RBFOX1: variants seen among roughly 807,000 people sequenced by gnomAD.
The protein encoded by RBFOX1 is RNA binding fox-1 homolog 1, also known as RNA binding protein fox-1 homolog 1.
RBFOX1 carries 8 observed loss-of-function variants against 57.7 expected under a neutral mutation model. That is an observed-to-expected ratio of 0.14 (90% CI 0.08 to 0.25). The LOEUF (loss-of-function observed/expected upper bound fraction) is 0.25. Ranked by LOEUF, RBFOX1 falls within the 10% of genes least tolerant of loss-of-function variation. The probability of loss-of-function intolerance (pLI) is 1.00; values close to 1 mark genes in which losing one functional copy is unlikely to be tolerated. For missense variants in RBFOX1, 611 were observed against 548.5 expected, an observed-to-expected ratio of 1.11 and a Z score of -1.14; for synonymous variants, 326 against 222.4, an observed-to-expected ratio of 1.47 and a Z score of -4.15.
chr16:6,889,068 T>TAGACACGG (rs2064818636), intron 3 of RBFOX1, among the ~76,000 whole-genome samples: 1 of 152,172 alleles, frequency 6.6e-6, no homozygotes, highest in Non-Finnish European at 1.5e-5. Context: ...TTTTCCCTTA[T>TAGACACGG]AGACACGGGT....
intron 4 of RBFOX1, among the ~76,000 whole-genome samples, chr16:7,337,343 C>G (rs9927909): frequency 0.41 from 62,036 of 151,990 alleles, 15,658 homozygotes; most frequent in African/African-American, 0.72. Flanking sequence ...AGGAAGGGAA[C>G]TGGTATTTGA....
intron 4 of RBFOX1, among the ~76,000 whole-genome samples, chr16:7,410,527 C>T (rs967934001): frequency 9.9e-5 from 15 of 152,170 alleles, no homozygotes; most frequent in African/African-American, 3.6e-4. Context: ...ACTAAAAATA[C>T]AAAATTAGCT....
In RBFOX1 at chr16:7,573,467, A is replaced by C. The variant is rs149272388; in HGVS notation, c.271-6310A>C. ...TTCCTCCATTCTCTGAATTTTCTGC[A>C]TGGCTATGTCCTACCTTCTGATCTC... is the stretch of plus-strand genomic sequence containing the variant. On this transcript the variant is annotated intron_variant, in intron 5 of 15. Transcript: ENST00000550418. Among the ~76,000 whole-genome samples, 3 of 152,236 alleles carry C rather than the reference A, an allele frequency of 2.0e-5. No homozygotes were observed. The East Asian group carries it at 5.8e-4, about 30-fold the overall frequency.
intron 3 of RBFOX1, among the ~76,000 whole-genome samples, chr16:6,805,481 C>T (rs979787538): frequency 1.3e-5 from 2 of 152,010 alleles, no homozygotes; most frequent in Non-Finnish European, 2.9e-5. Flanking sequence ...GTACCATCCC[C>T]ATAACATGAG....
At chr16:5,660,080 C>T (rs566067493) in intron 3 of RBFOX1, among the ~76,000 whole-genome samples, 14 of 152,182 alleles carry the variant, frequency 9.2e-5, no homozygotes, top group East Asian at 3.9e-4. Flanking sequence ...GGGTTCAAGG[C>T]GCATAAAACA....
intron 4 of RBFOX1, among the ~76,000 whole-genome samples, chr16:7,452,453 T>C (rs1262959566): frequency 2.0e-5 from 3 of 152,202 alleles, no homozygotes; most frequent in East Asian, 1.9e-4. Flanking sequence ...TTTTCTGGCA[T>C]TGGGTTGCAA....
At chr16:6,135,979 G>C (rs1264803061) in intron 1 of RBFOX1, among the ~76,000 whole-genome samples, 1 of 151,852 alleles carries the variant, frequency 6.6e-6, no homozygotes, top group African/African-American at 2.4e-5. Context: ...ATTTTTAGTA[G>C]AGATGGGTTT....
intron 4 of RBFOX1, 45 bp downstream of exon 4, chr16:7,052,143 T>C (rs1185506012): frequency 1.3e-6 from 2 of 1,578,968 alleles, no homozygotes; most frequent in Admixed American, 2.0e-5. Context: ...CTCATTTTTG[T>C]GTGATAAGCA....
intron 3 of RBFOX1, among the ~76,000 whole-genome samples, chr16:6,758,717 A>G (rs780361786): frequency 6.6e-6 from 1 of 152,236 alleles, no homozygotes; most frequent in Non-Finnish European, 1.5e-5. Flanking sequence ...TACATTTTAC[A>G]TTAAATGCTT....
intron 2 of RBFOX1, among the ~76,000 whole-genome samples, chr16:6,409,849 A>T (rs987400408): frequency 1.3e-5 from 2 of 152,014 alleles, no homozygotes; most frequent in Non-Finnish European, 2.9e-5. Flanking sequence ...TGAGATAATC[A>T]TTTTGTCCTT....
At chr16:7,222,641 T>A (rs1044008614) in intron 4 of RBFOX1, among the ~76,000 whole-genome samples, 7 of 152,204 alleles carry the variant, frequency 4.6e-5, no homozygotes, top group African/African-American at 1.7e-4. Flanking sequence ...CATTTACAAG[T>A]TTGTTAGCCC....
intron 3 of RBFOX1, among the ~76,000 whole-genome samples, chr16:6,752,091 C>T (rs193219851): frequency 1.2e-4 from 18 of 152,258 alleles, no homozygotes; most frequent in African/African-American, 3.4e-4. Context: ...CGTCCATCTA[C>T]TCCGGTGACC....
chr16:7,696,657 G>T (rs1447369980), intron 14 of RBFOX1, among the ~76,000 whole-genome samples: 1 of 152,132 alleles, frequency 6.6e-6, no homozygotes, highest in Non-Finnish European at 1.5e-5. Context: ...GACCTTCATG[G>T]TATGGGAGAA....
At chr16:6,034,846 G>A (rs1044970471) in intron 1 of RBFOX1, among the ~76,000 whole-genome samples, 7 of 152,086 alleles carry the variant, frequency 4.6e-5, no homozygotes, top group African/African-American at 1.4e-4. Context: ...GGATGTGGGG[G>A]CTGAGAGACC....
At chr16:5,336,108 C>T (rs865969136) in intron 1 of RBFOX1, among the ~76,000 whole-genome samples, 1 of 152,106 alleles carries the variant, frequency 6.6e-6, no homozygotes, top group African/African-American at 2.4e-5. Flanking sequence ...AACTCCAAAT[C>T]ATTGTGCTTT....
chr16:5,659,019 A>G (rs1487571440), intron 3 of RBFOX1, among the ~76,000 whole-genome samples: 5 of 151,998 alleles, frequency 3.3e-5, no homozygotes, highest in African/African-American at 1.2e-4. Context: ...CTTGGTAGAT[A>G]CCCAGTGGTG....
chr16:7,112,523 A>C (rs1007090855), intron 4 of RBFOX1, among the ~76,000 whole-genome samples: 4 of 152,062 alleles, frequency 2.6e-5, no homozygotes, highest in African/African-American at 9.7e-5. Context: ...ACATTCTTTT[A>C]ACATATATTG....
chr16:6,250,744 C>G (rs1200999080), intron 1 of RBFOX1, among the ~76,000 whole-genome samples: 1 of 152,118 alleles, frequency 6.6e-6, no homozygotes, highest in Non-Finnish European at 1.5e-5. Flanking sequence ...GGGCACTTCC[C>G]AGCTTGAATC....
At chr16:6,905,552 CAAA>C (rs55769867) in intron 3 of RBFOX1, among the ~76,000 whole-genome samples, 6 of 143,354 alleles carry the variant, frequency 4.2e-5, no homozygotes, top group African/African-American at 5.2e-5. Flanking sequence ...GACTCCATCT[CAAA>C]AAAAAAAAAA....
Sources: gnomAD v4.1 joint callset for allele counts (sites outside exome capture counted in the v4.1 genomes callset) on GRCh38, gnomAD v4.1.1 for gene constraint, MANE v1.5 for transcripts, NCBI Gene and HGNC (gene_info 2026-07-23, HGNC 2026-07-21) for gene names.